MGRN1: variants seen among roughly 807,000 people sequenced by gnomAD.
MGRN1 encodes the protein mahogunin ring finger 1.
Under a neutral mutation model 69.2 loss-of-function variants are expected in MGRN1, and 29 were observed. That is an observed-to-expected ratio of 0.42 (90% CI 0.31 to 0.57). The LOEUF (loss-of-function observed/expected upper bound fraction) is 0.57, where lower values mean the gene tolerates loss of function less well. Among genes scored for constraint, MGRN1 ranks in the 20% least tolerant of loss-of-function variants. MGRN1 has a pLI of 0.15. For synonymous variants in MGRN1, 470 were observed against 344.2 expected, an observed-to-expected ratio of 1.37 and a Z score of -4.04; for missense variants, 998 against 796.2, an observed-to-expected ratio of 1.25 and a Z score of -3.05.
chr16:4,688,894 C>G lies in MGRN1; in HGVS notation c.1717C>G (p.Leu573Val), dbSNP rs1277308404. ...GPSPDPSAAE[L>V]TPL Reference sequence around the variant, plus strand: ...CAGCCCCGATCCCAGCGCCGCCGAGCTGACCCCACTCTGAGAGCCTGGCCG... The same window carrying G: ...CAGCCCCGATCCCAGCGCCGCCGAGGTGACCCCACTCTGAGAGCCTGGCCG... Residue 573 changes from leucine (L) to valine (V), a missense_variant, in exon 17 of 17, where the codon CTG (leucine) becomes GTG (valine). Coordinates refer to ENST00000262370, the MANE Select transcript of MGRN1 (RefSeq NM_015246.4). 1 of 1,548,430 alleles carries G rather than the reference C, an allele frequency of 6.5e-7. No homozygotes were observed. Among genetic ancestry groups the G allele is most frequent in the Admixed American group, 1.9e-5 (1 of 51,602 alleles).
Position 4,688,840 on chromosome 16 carries a change from AG to A in MGRN1, c.1664del (p.Ser555ThrfsTer19). Reference protein sequence around the residue: ...METAHGLATTSPTWPPLGGPS... With the variant: ...METAHGLATTXPTWPPLGGPS... ...GACGGCCCACGGCCTCGCCACCACC[AG>A]CCCCACCTGGCCTCCACTTGGTGGC... On this transcript the variant is annotated frameshift_variant, in exon 17 of 17. Transcript: ENST00000262370. LOFTEE classifies it high-confidence loss of function. 1 of 1,554,588 alleles carries A rather than the reference AG, an allele frequency of 6.4e-7. No homozygotes were observed. Among genetic ancestry groups the A allele is most frequent in the Non-Finnish European group, 8.7e-7 (1 of 1,148,810 alleles).
At chr16:4,670,626 A>G (rs1480803465) in intron 8 of MGRN1, among the ~76,000 whole-genome samples, 1 of 152,240 alleles carries the variant, frequency 6.6e-6, no homozygotes, top group Non-Finnish European at 1.5e-5. Flanking sequence ...AGGTGGAGGC[A>G]GGAGGATTGC....
chr16:4,651,471 G>C (rs569989077), intron 2 of MGRN1, among the ~76,000 whole-genome samples: 5 of 152,346 alleles, frequency 3.3e-5, no homozygotes, highest in Admixed American at 2.6e-4. Context: ...GGCCCCTCCA[G>C]AAGAAGCTAG....
At chr16:4,673,215 TC>T (rs990192526) in intron 9 of MGRN1, among the ~76,000 whole-genome samples, 1 of 152,126 alleles carries the variant, frequency 6.6e-6, no homozygotes, top group Non-Finnish European at 1.5e-5. Context: ...GTGCATCTGT[TC>T]CTCATTTTTT....
At chr16:4,649,716 A>G (rs1411412639) in intron 1 of MGRN1, 1 of 152,566 alleles carries the variant, frequency 6.6e-6, no homozygotes, top group Non-Finnish European at 1.5e-5. Flanking sequence ...TAGGACCCGA[A>G]CTTCATCGGA....
intron 15 of MGRN1, 59 bp downstream of exon 15, chr16:4,683,328 C>T (rs2079232043): frequency 6.3e-7 from 1 of 1,595,766 alleles, no homozygotes; most frequent in Middle Eastern, 1.7e-4. Flanking sequence ...CCCTGGCTTA[C>T]TGGGGCCTTA....
chr16:4,683,711 G>A, intron 15 of MGRN1, 132 bp from the exon 16 acceptor site: 2 of 702,318 alleles, frequency 2.8e-6, no homozygotes, highest in South Asian at 3.8e-5. Context: ...GTGGAGTCCT[G>A]CTGGAGCACA....
intron 4 of MGRN1, among the ~76,000 whole-genome samples, chr16:4,655,778 A>C (rs2078523600): frequency 6.6e-6 from 1 of 152,244 alleles, no homozygotes; most frequent in Non-Finnish European, 1.5e-5. Flanking sequence ...CCAGCCTGCC[A>C]GTGCTCCATC....
chr16:4,674,621 C>CTTTTTTTTTTTTTTTTTTTT (rs2079014394), intron 10 of MGRN1, among the ~76,000 whole-genome samples: 1 of 59,794 alleles, frequency 1.7e-5, no homozygotes, highest in Non-Finnish European at 3.2e-5. Context: ...CTTTTCTTTT[C>CTTTTTTTTTTTTTTTTTTTT]TTTTCTTTTT....
rs149737173 is a variant in MGRN1, at chr16:4,686,828, C to T, written c.1619-1968C>T. On this transcript the variant is annotated intron_variant, in intron 16 of 16. Transcript: ENST00000262370. ...GCTCAGCAGGTCCACTCCCGTGTTC[C>T]GGTCGTGGCTTTAACAATTCATGGG... The T allele has an allele frequency of 4.0e-4, 397 of 986,840 alleles. 1 individual carries two copies. The African/African-American group carries it at 6.2e-3, about 15-fold the overall frequency. The allele number at this position is 986,840 out of a possible 1,614,324, so 61.1% of individuals were successfully genotyped here.
intron 12 of MGRN1, 126 bp downstream of exon 12, chr16:4,680,223 G>A (rs2079149231): frequency 1.1e-6 from 1 of 935,510 alleles, no homozygotes; most frequent in Admixed American, 2.4e-5. Flanking sequence ...AGCTCCACTT[G>A]CCCAGTCCCG....
chr16:4,642,613 C>G (rs949508792), intron 1 of MGRN1, among the ~76,000 whole-genome samples: 1 of 151,426 alleles, frequency 6.6e-6, no homozygotes. Flanking sequence ...CGTGAGCCAC[C>G]GCACCCGGCC....
intron 10 of MGRN1, chr16:4,676,941 C>T (rs2079065894): frequency 6.5e-6 from 1 of 152,740 alleles, no homozygotes; most frequent in African/African-American, 2.4e-5. Flanking sequence ...ATGACATCCC[C>T]ACCTCAGCTT....
intron 5 of MGRN1, among the ~76,000 whole-genome samples, chr16:4,660,638 C>T (rs375386684): frequency 2.0e-5 from 3 of 152,348 alleles, no homozygotes; most frequent in East Asian, 3.9e-4. Flanking sequence ...GAAAGCTCTG[C>T]CTCCCCCGTT....
intron 16 of MGRN1, 150 bp downstream of exon 16, chr16:4,684,082 G>C (rs909880494): frequency 1.3e-6 from 1 of 751,938 alleles, no homozygotes; most frequent in African/African-American, 1.8e-5. Flanking sequence ...CCCTGCTATT[G>C]ACCGTGAAGC....
At chr16:4,679,995 G>C in intron 11 of MGRN1, 37 bp from the exon 12 acceptor site, 1 of 1,601,424 alleles carries the variant, frequency 6.2e-7, no homozygotes, top group Admixed American at 1.7e-5. Context: ...CCGCGTGGGG[G>C]TGGTAGTTGT....
At chr16:4,657,101 C>G in intron 4 of MGRN1, 145 bp from the exon 5 acceptor site, 1 of 738,398 alleles carries the variant, frequency 1.4e-6, no homozygotes, top group Non-Finnish European at 2.3e-6. Context: ...GCCACGTGGC[C>G]ATGTAGGCTG....
intron 4 of MGRN1, among the ~76,000 whole-genome samples, chr16:4,656,022 T>C (rs996374424): frequency 1.3e-5 from 2 of 152,012 alleles, no homozygotes; most frequent in East Asian, 3.9e-4. Context: ...GTGTGTACAG[T>C]GGTGGCCCCC....
At chr16:4,648,513 C>T (rs1173118126) in intron 1 of MGRN1, among the ~76,000 whole-genome samples, 14 of 112,744 alleles carry the variant, frequency 1.2e-4, no homozygotes, top group Admixed American at 3.3e-4. Flanking sequence ...CACCCGGGGG[C>T]TCCTCCCGGG....
Sources: allele counts gnomAD v4.1 joint callset (sites outside exome capture counted in the v4.1 genomes callset), GRCh38; gene constraint gnomAD v4.1.1; transcripts MANE v1.5; gene names NCBI Gene and HGNC (gene_info 2026-07-23, HGNC 2026-07-21).